The following SETD2 variants were observed in gnomAD, a reference collection of about 807,000 sequenced individuals.
The protein encoded by SETD2 is SET domain containing 2, histone lysine methyltransferase.
Under a neutral mutation model 242.1 loss-of-function variants are expected in SETD2, and 31 were observed. The ratio of observed to expected loss-of-function variants is 0.13; its 90% confidence interval spans 0.10 to 0.17. The LOEUF (loss-of-function observed/expected upper bound fraction) is 0.17. SETD2 is among the 10% of genes least tolerant of loss of function. The pLI is 1.00. For synonymous variants in SETD2, 1,006 were observed against 1,066.5 expected, an observed-to-expected ratio of 0.94 and a Z score of 1.11; for missense variants, 2,481 against 3,046.3, an observed-to-expected ratio of 0.81 and a Z score of 4.37.
intron 9 of SETD2, among the ~76,000 whole-genome samples, chr3:47,094,093 G>C (rs1194359118): frequency 6.6e-6 from 1 of 151,852 alleles, no homozygotes; most frequent in Non-Finnish European, 1.5e-5. Context: ...TTCTCACTCA[G>C]GTGGGTTTTC....
At chr3:47,024,255 G>A (rs889685273) in intron 18 of SETD2, among the ~76,000 whole-genome samples, 3 of 151,834 alleles carry the variant, frequency 2.0e-5, no homozygotes, top group African/African-American at 4.8e-5. Context: ...GGTGGATCAC[G>A]AGGTCAGGAG....
chr3:47,159,781 C>T (rs949168555), intron 1 of SETD2, among the ~76,000 whole-genome samples: 22 of 152,226 alleles, frequency 1.4e-4, no homozygotes, highest in Admixed American at 1.3e-3. Flanking sequence ...TCAAGACCAG[C>T]GTGGCCAAGA....
At chr3:47,051,343 G>T (rs1575691557) in intron 15 of SETD2, among the ~76,000 whole-genome samples, 1 of 151,998 alleles carries the variant, frequency 6.6e-6, no homozygotes, top group African/African-American at 2.4e-5. Context: ...AGGCTCAAGC[G>T]ATCCTCCCAC....
chr3:47,084,077 T>C lies in SETD2; in HGVS notation c.5703A>G (p.Glu1901=). Residue 1901 remains glutamate, a synonymous_variant, in exon 12 of 21, where the codon GAA becomes GAG. Transcript: ENST00000409792. Reference sequence around the variant, plus strand: ...CAAGATCCTCTTTGCCATCCTTGCCTTCTAGCTCACTGGTTGCATCAGAGA... The same window carrying C: ...CAAGATCCTCTTTGCCATCCTTGCCCTCTAGCTCACTGGTTGCATCAGAGA... ...SAISDATSEL[E]GKDGKEDLDQ... is the part of the protein sequence containing the mutation. The C allele has an allele frequency of 1.9e-6, 3 of 1,614,216 alleles. No homozygotes were observed. Among genetic ancestry groups the C allele is most frequent in the Non-Finnish European group, 2.5e-6 (3 of 1,180,030 alleles).
At chr3:47,101,073 G>A (rs1259823632) in intron 8 of SETD2, among the ~76,000 whole-genome samples, 1 of 149,914 alleles carries the variant, frequency 6.7e-6, no homozygotes, top group Non-Finnish European at 1.5e-5. Context: ...GTACAAAATG[G>A]TACAGATGAA....
intron 1 of SETD2, among the ~76,000 whole-genome samples, chr3:47,130,519 C>A (rs1261914853): frequency 6.6e-6 from 1 of 152,148 alleles, no homozygotes; most frequent in East Asian, 1.9e-4. Context: ...TGTGAGACCA[C>A]AATTAACAGC....
chr3:47,100,602 T>C (rs918115397), intron 8 of SETD2, among the ~76,000 whole-genome samples: 9 of 152,302 alleles, frequency 5.9e-5, no homozygotes, highest in Admixed American at 3.3e-4. Flanking sequence ...TTTTACATAA[T>C]GTGCTTCAAA....
chr3:47,101,061 G>A (rs962105396), intron 8 of SETD2, among the ~76,000 whole-genome samples: 11 of 111,608 alleles, frequency 9.9e-5, no homozygotes, highest in Admixed American at 6.2e-4. Context: ...TTATATTTAA[G>A]AGTACAAAAT....
At chr3:47,138,906 G>A (rs1218613210) in intron 1 of SETD2, among the ~76,000 whole-genome samples, 2 of 152,080 alleles carry the variant, frequency 1.3e-5, no homozygotes, top group Non-Finnish European at 2.9e-5. Context: ...TAGCTATGGT[G>A]GTCTCTTTTA....
At chr3:47,103,552 A>G in intron 6 of SETD2, 129 bp from the exon 7 acceptor site, 2 of 664,902 alleles carry the variant, frequency 3.0e-6, no homozygotes, top group Admixed American at 5.1e-5. Flanking sequence ...CTAACCAGTT[A>G]AGGTAGGGCA....
chr3:47,028,267 G>A (rs138909643), intron 18 of SETD2, among the ~76,000 whole-genome samples: 20 of 152,280 alleles, frequency 1.3e-4, no homozygotes, highest in Non-Finnish European at 2.6e-4. Flanking sequence ...AGACTCTGGG[G>A]CAGAGAGGAA....
At chr3:47,063,635 GCTGTCCTAAGTACTA>G (rs2040433836) in intron 13 of SETD2, among the ~76,000 whole-genome samples, 1 of 152,044 alleles carries the variant, frequency 6.6e-6, no homozygotes, top group East Asian at 1.9e-4. Flanking sequence ...GCTCTCCAAA[GCTGTCCTAAGTACTA>G]CTTTTCACTG....
chr3:47,081,137 C>T (rs2107632441), intron 12 of SETD2: 1 of 941,940 alleles, frequency 1.1e-6, no homozygotes, highest in East Asian at 1.2e-4. Context: ...TCTGGGAGGA[C>T]AAAGAGTAAT....
At position 47,122,385 on chromosome 3, in the gene SETD2, G is replaced by T. The variant is rs115788094; in HGVS notation, c.2251C>A (p.Pro751Thr). 220 of 1,614,042 alleles carry T rather than the reference G, an allele frequency of 1.4e-4. 1 individual carries two copies. The Middle Eastern group carries it at 2.5e-3, about 18-fold the overall frequency. The change falls in exon 3 of 21, where the codon CCT becomes ACT. Residue 751 changes from proline to threonine, a missense_variant. Physicochemically the swap from Pro to Thr is conservative, Grantham distance 38. Transcript: ENST00000409792. ...KSESPFRETE[P>T]LVSPHQDKLM... ...TTATCTTGGTGTGGTGACACCAGAG[G>T]TTCTGTTTCTCTAAATGGGCTTTCT... is the stretch of plus-strand genomic sequence containing the variant.
At chr3:47,027,171 TA>T (rs1210466645) in intron 18 of SETD2, among the ~76,000 whole-genome samples, 1 of 151,560 alleles carries the variant, frequency 6.6e-6, no homozygotes. Flanking sequence ...CCATCTCTAC[TA>T]AAAAATATTT....
chr3:47,117,802 G>T (rs2042923903), intron 3 of SETD2, among the ~76,000 whole-genome samples: 1 of 152,216 alleles, frequency 6.6e-6, no homozygotes, highest in Non-Finnish European at 1.5e-5. Context: ...AATAAGCCAT[G>T]CCAGAGTGTG....
chr3:47,018,113 G>T (rs967884030), intron 19 of SETD2, among the ~76,000 whole-genome samples: 8 of 152,202 alleles, frequency 5.3e-5, no homozygotes, highest in Admixed American at 3.3e-4. Context: ...GCAGAGCACA[G>T]CAGGTGTTCC....
intron 1 of SETD2, among the ~76,000 whole-genome samples, chr3:47,130,027 G>A (rs1326645170): frequency 6.6e-6 from 1 of 152,174 alleles, no homozygotes; most frequent in Non-Finnish European, 1.5e-5. Context: ...AATCCTCAAT[G>A]TTGCTGCCCA....
intron 18 of SETD2, among the ~76,000 whole-genome samples, chr3:47,021,897 C>A (rs1057265509): frequency 2.0e-5 from 3 of 152,134 alleles, no homozygotes; most frequent in African/African-American, 7.2e-5. Context: ...GCCTGTAATC[C>A]TAGCACTTTG....
Sources: gnomAD v4.1 joint callset for allele counts (sites outside exome capture counted in the v4.1 genomes callset) on GRCh38, gnomAD v4.1.1 for gene constraint, MANE v1.5 for transcripts, NCBI Gene and HGNC (gene_info 2026-07-23, HGNC 2026-07-21) for gene names.